VPS35L: variants seen among roughly 807,000 people sequenced by gnomAD.
The protein encoded by VPS35L is VPS35 endosomal protein-sorting factor-like.
Under a neutral mutation model 133.0 loss-of-function variants are expected in VPS35L, and 83 were observed. The ratio of observed to expected loss-of-function variants is 0.62; its 90% CI spans 0.52 to 0.75. The LOEUF (loss-of-function observed/expected upper bound fraction) is 0.75, where lower values mean the gene tolerates loss of function less well. VPS35L is among the 30% of genes least tolerant of loss of function. The pLI is 0.00. For missense variants in VPS35L, 1,083 were observed against 1,206.8 expected, an observed-to-expected ratio of 0.90 and a Z score of 1.52; for synonymous variants, 423 against 449.9, an observed-to-expected ratio of 0.94 and a Z score of 0.76.
chr16:19,568,791 A>G (rs1310427196), intron 2 of VPS35L, among the ~76,000 whole-genome samples: 2 of 152,120 alleles, frequency 1.3e-5, no homozygotes, highest in Non-Finnish European at 2.9e-5. Flanking sequence ...GACCACAGGC[A>G]TGTACCACCA....
chr16:19,663,303 A>G (rs1974548249), intron 26 of VPS35L, among the ~76,000 whole-genome samples: 1 of 152,170 alleles, frequency 6.6e-6, no homozygotes, highest in Admixed American at 6.6e-5. Flanking sequence ...AAGTCTCAAT[A>G]ATAATAAATT....
At chr16:19,613,068 A>T (rs1972776707) in intron 12 of VPS35L, among the ~76,000 whole-genome samples, 1 of 152,228 alleles carries the variant, frequency 6.6e-6, no homozygotes, top group Non-Finnish European at 1.5e-5. Context: ...TGGGAGGCCG[A>T]GGCGGGCAGA....
intron 29 of VPS35L, among the ~76,000 whole-genome samples, chr16:19,695,169 A>G (rs1452604777): frequency 2.6e-5 from 4 of 152,200 alleles, no homozygotes; most frequent in African/African-American, 9.6e-5. Context: ...ACCTCTTAGA[A>G]CAATGATGTG....
Position 19,615,968 on chromosome 16 carries a change from AAATAATAATAAT to A in VPS35L, c.1024-127_1024-116del. 5 of 254,772 alleles carry A rather than the reference AAATAATAATAAT, an allele frequency of 2.0e-5. 1 individual carries two copies. The East Asian group carries it at 3.2e-4, about 16-fold the overall frequency. 15.8% of individuals were successfully genotyped at this position (254,772 alleles called of 1,614,324 possible). On this transcript the variant is annotated intron_variant, in intron 12 of 30. Transcript: ENST00000417362. ...GGCAACAGAGCGAGACTCCATCTCA[AAATAATAATAAT>A]AATAATAATAATAATAATTTTCTGG...
At chr16:19,600,499 T>C (rs937692998) in intron 8 of VPS35L, among the ~76,000 whole-genome samples, 3 of 152,200 alleles carry the variant, frequency 2.0e-5, no homozygotes, top group African/African-American at 7.2e-5. Flanking sequence ...TGGCCACTTT[T>C]ATGCTACAGT....
intron 24 of VPS35L, 71 bp from the exon 25 acceptor site, chr16:19,650,311 A>T: frequency 8.2e-7 from 1 of 1,224,778 alleles, no homozygotes; most frequent in Non-Finnish European, 1.2e-6. Flanking sequence ...TAATGTTGAG[A>T]TCTCTATGGA....
chr16:19,700,081 A>G (rs1259691708), intron 30 of VPS35L, among the ~76,000 whole-genome samples: 1 of 152,232 alleles, frequency 6.6e-6, no homozygotes, highest in Non-Finnish European at 1.5e-5. Context: ...TGGGTGATAG[A>G]GCAGGACCTT....
chr16:19,571,316 G>A (rs1224351614), intron 3 of VPS35L, among the ~76,000 whole-genome samples: 4 of 151,752 alleles, frequency 2.6e-5, no homozygotes, highest in Non-Finnish European at 5.9e-5. Context: ...TCCTGGGCTC[G>A]AACAATCCCC....
chr16:19,700,393 T>C lies in VPS35L; in HGVS notation c.2809T>C (p.Tyr937His), dbSNP rs139882380. ...DTRTMVKTLE[Y>H]IKKQSKQPDM... ...TTCCTCATAGGTGAAAACGCTAGAA[T>C]ACATCAAGAAGCAAAGCAAACAACC... Residue 937 changes from tyrosine (Y) to histidine (H), a missense_variant, in exon 31 of 31, where the codon TAC becomes CAC. Transcript: ENST00000417362. 3.0e-5 allele frequency: 49 copies of C among 1,613,874 alleles called. 1 individual carries two copies. The African/African-American group carries it at 6.1e-4, about 20-fold the overall frequency.
At chr16:19,641,740 TAAG>T (rs1377736421) in intron 21 of VPS35L, among the ~76,000 whole-genome samples, 3 of 152,168 alleles carry the variant, frequency 2.0e-5, no homozygotes, top group Admixed American at 6.6e-5. Context: ...ATTCGCCTGT[TAAG>T]AACACAGTGA....
chr16:19,592,162 AC>A (rs1279421854), intron 8 of VPS35L, among the ~76,000 whole-genome samples: 6 of 150,870 alleles, frequency 4.0e-5, no homozygotes, highest in Non-Finnish European at 8.9e-5. Flanking sequence ...GCAGCCTCAA[AC>A]CCCTGGGCTC....
intron 28 of VPS35L, among the ~76,000 whole-genome samples, chr16:19,686,399 G>T (rs187227512): frequency 1.3e-5 from 2 of 152,180 alleles, no homozygotes; most frequent in African/African-American, 4.8e-5. Context: ...ACAAGACAGC[G>T]TGCATGTTTG....
At chr16:19,562,932 T>A (rs13337567) in intron 1 of VPS35L, among the ~76,000 whole-genome samples, 27,621 of 151,698 alleles carry the variant, frequency 0.18, 3,117 homozygotes, top group East Asian at 0.37. Flanking sequence ...TTTATTTATT[T>A]ATTTATTTAT....
At chr16:19,587,240 G>A (rs111461972) in intron 7 of VPS35L, among the ~76,000 whole-genome samples, 37,042 of 152,060 alleles carry the variant, frequency 0.24, 6,038 homozygotes, top group Non-Finnish European at 0.36. Flanking sequence ...CCAACACTGG[G>A]GATTACAATT....
At chr16:19,616,035 A>G in intron 12 of VPS35L, 79 bp from the exon 13 acceptor site, 1 of 883,818 alleles carries the variant, frequency 1.1e-6, no homozygotes, top group Non-Finnish European at 1.8e-6. Flanking sequence ...ACATAGGTAT[A>G]TATATTTTTT....
At chr16:19,642,212 A>C (rs11647156) in intron 21 of VPS35L, among the ~76,000 whole-genome samples, 184 bp from the exon 22 acceptor site, 31,188 of 152,096 alleles carry the variant, frequency 0.21, 3,952 homozygotes, top group Non-Finnish European at 0.27. Flanking sequence ...TCTGTCTCAA[A>C]AGTTTAAAAA....
intron 20 of VPS35L, among the ~76,000 whole-genome samples, chr16:19,638,915 G>A (rs901832885): frequency 1.3e-5 from 2 of 152,152 alleles, no homozygotes; most frequent in African/African-American, 4.8e-5. Flanking sequence ...GACCAGCCTG[G>A]CCAACATGGC....
chr16:19,634,905 A>G (rs940387448), intron 19 of VPS35L, among the ~76,000 whole-genome samples: 1 of 152,208 alleles, frequency 6.6e-6, no homozygotes, highest in Admixed American at 6.5e-5. Flanking sequence ...CATCTCACCA[A>G]TGAGGAGCAA....
Position 19,698,775 on chromosome 16 carries a change from G to A in VPS35L, c.2647-727G>A, listed in dbSNP as rs117418013. Among the ~76,000 whole-genome samples the A allele has an allele frequency of 4.0e-3, 616 of 152,326 alleles. 4 individuals are homozygous for A. Among genetic ancestry groups the A allele is most frequent in the Admixed American group, 0.012 (181 of 15,300 alleles). ...CTTCCTGAACAGCAGGTACCCACCT[G>A]TTGATGTGGCTTTTCCAGGGGCCTT... On this transcript the variant is annotated intron_variant, in intron 29 of 30. Transcript: ENST00000417362.
Sources: allele counts gnomAD v4.1 joint callset (sites outside exome capture counted in the v4.1 genomes callset), GRCh38; gene constraint gnomAD v4.1.1; transcripts MANE v1.5; gene names NCBI Gene and HGNC (gene_info 2026-07-23, HGNC 2026-07-21).